Variants in TAFA5 observed in about 807,000 individuals in gnomAD.
TAFA5 encodes the protein TAFA chemokine like family member 5.
TAFA5 carries 6 observed loss-of-function variants against 15.3 expected under a neutral mutation model. The observed-to-expected ratio is 0.39, with a 90% CI of 0.21 to 0.77. The LOEUF is 0.77. Ranked by LOEUF, TAFA5 falls within the 30% of genes least tolerant of loss-of-function variation. TAFA5 has a pLI of 0.41. For synonymous variants in TAFA5, 103 were observed against 80.7 expected (o/e 1.28, Z -1.48); for missense variants, 161 against 193.1 (o/e 0.83, Z 0.98).
intron 2 of TAFA5, among the ~76,000 whole-genome samples, chr22:48,658,205 C>T (rs902260266): frequency 3.6e-5 from 5 of 137,660 alleles, no homozygotes; most frequent in African/African-American, 1.1e-4. Context: ...CTTCCACCTC[C>T]GAAACTCAGC....
In TAFA5 at chr22:48,489,842, G is replaced by A. The variant is rs962376382; in HGVS notation, c.112+138G>A. 4.3e-6 allele frequency: 2 copies of A among 469,516 alleles called. No homozygotes were observed. The highest frequency in any genetic ancestry group is 7.1e-6 in the Non-Finnish European group (2 of 280,942). 29.1% of individuals were successfully genotyped at this position (469,516 alleles called of 1,614,324 possible). On this transcript the variant is annotated intron_variant, in intron 1 of 3. Coordinates refer to ENST00000402357, the MANE Select transcript of TAFA5 (RefSeq NM_001082967.3). This position sits in a 1 kb window ranked among gnomAD's most constrained non-coding sequence, Gnocchi z 5.5. The stretch of plus-strand genomic sequence containing the variant: ...CCGGGCGCATGGTCCCCCGAGTCCC[G>A]GCCGGTCCAACGCTGCGCTGGGCGG...
chr22:48,737,445 C>T (rs73889716), intron 3 of TAFA5, among the ~76,000 whole-genome samples: 131 of 152,330 alleles, frequency 8.6e-4, no homozygotes, highest in Non-Finnish European at 1.6e-3. Flanking sequence ...ATGCTGTCCA[C>T]CCATGAACTC....
chr22:48,574,312 C>T (rs891865961), intron 1 of TAFA5, among the ~76,000 whole-genome samples: 5 of 151,932 alleles, frequency 3.3e-5, no homozygotes, highest in Non-Finnish European at 7.4e-5. Context: ...GGTGATGAGC[C>T]AGAGGTGAAG....
intron 3 of TAFA5, among the ~76,000 whole-genome samples, chr22:48,743,577 G>A (rs1930242584): frequency 6.6e-6 from 1 of 152,222 alleles, no homozygotes; most frequent in Non-Finnish European, 1.5e-5. Context: ...GTACAGCACA[G>A]TCTTCATTCC....
chr22:48,580,406 G>C (rs1409761706), intron 1 of TAFA5, among the ~76,000 whole-genome samples: 1 of 152,232 alleles, frequency 6.6e-6, no homozygotes, highest in African/African-American at 2.4e-5. Flanking sequence ...GAAATGGATA[G>C]AGAACTTCTT....
chr22:48,725,156 A>G (rs1283385238), intron 3 of TAFA5, among the ~76,000 whole-genome samples: 3 of 152,252 alleles, frequency 2.0e-5, no homozygotes, highest in African/African-American at 4.8e-5. Flanking sequence ...CCTGCTGCAC[A>G]TCGCCCGGAC....
intron 1 of TAFA5, among the ~76,000 whole-genome samples, chr22:48,500,672 G>A (rs750234083): frequency 2.6e-4 from 39 of 152,242 alleles, no homozygotes; most frequent in Non-Finnish European, 3.8e-4. Flanking sequence ...TTCCCGTGAC[G>A]ACGTGGCTAA....
chr22:48,605,283 T>A (rs116055564), intron 1 of TAFA5, among the ~76,000 whole-genome samples: 14,408 of 117,004 alleles, frequency 0.12, 1,002 homozygotes, highest in African/African-American at 0.15. Flanking sequence ...ATGGTGATGA[T>A]GTTGTTAATG....
chr22:48,582,963 CACACCACACACAAAAT>C (rs369683503), intron 1 of TAFA5, among the ~76,000 whole-genome samples: 9 of 149,446 alleles, frequency 6.0e-5, no homozygotes, highest in Admixed American at 2.0e-4. Context: ...ACACACACCA[CACACCACACACAAAAT>C]ACACCACACA....
At chr22:48,561,771 G>A (rs1445340196) in intron 1 of TAFA5, among the ~76,000 whole-genome samples, 1 of 152,256 alleles carries the variant, frequency 6.6e-6, no homozygotes, top group Non-Finnish European at 1.5e-5. Context: ...GCTGGGAGCA[G>A]ACGTTGAGTC....
intron 2 of TAFA5, among the ~76,000 whole-genome samples, chr22:48,690,400 G>A (rs1041993290): frequency 6.6e-6 from 1 of 152,036 alleles, no homozygotes; most frequent in African/African-American, 2.4e-5. Context: ...ACGTGTATCA[G>A]CCACACAGCC....
chr22:48,687,685 C>G (rs777347338), intron 2 of TAFA5, among the ~76,000 whole-genome samples: 2 of 152,160 alleles, frequency 1.3e-5, no homozygotes, highest in Non-Finnish European at 2.9e-5. Context: ...CCTCCTCACT[C>G]TCCCAGTGAC....
intron 1 of TAFA5, among the ~76,000 whole-genome samples, chr22:48,609,724 C>T (rs73427950): frequency 0.017 from 2,549 of 152,326 alleles, 58 homozygotes; most frequent in African/African-American, 0.058. Context: ...TGGAGCCGCC[C>T]GTGCTTCTGG....
At chr22:48,533,359 C>T (rs80518) in intron 1 of TAFA5, among the ~76,000 whole-genome samples, 76,890 of 152,052 alleles carry the variant, frequency 0.51, 19,723 homozygotes, top group Non-Finnish European at 0.54. Context: ...CTGCAGAAGG[C>T]GACCCCAGCA....
chr22:48,743,264 G>A (rs573587036), intron 3 of TAFA5, among the ~76,000 whole-genome samples: 8 of 152,212 alleles, frequency 5.3e-5, no homozygotes, highest in Admixed American at 2.0e-4. Flanking sequence ...CTGCTGGGCC[G>A]TGCTCCCTTG....
intron 1 of TAFA5, among the ~76,000 whole-genome samples, chr22:48,575,262 G>A (rs1273624906): frequency 2.0e-5 from 3 of 152,068 alleles, no homozygotes; most frequent in Admixed American, 6.5e-5. Context: ...AGCCCGACCC[G>A]CAGTTTTCGG....
chr22:48,639,649 G>T (rs1013451964), intron 1 of TAFA5, among the ~76,000 whole-genome samples: 6 of 152,128 alleles, frequency 3.9e-5, no homozygotes, highest in South Asian at 2.1e-4. Context: ...ACATGCAGGT[G>T]CCCCCACTGC....
intron 2 of TAFA5, among the ~76,000 whole-genome samples, chr22:48,680,294 G>C (rs1928140192): frequency 6.6e-6 from 1 of 152,256 alleles, no homozygotes; most frequent in Non-Finnish European, 1.5e-5. Context: ...CACGACCCAG[G>C]TTGCTGCCAG....
intron 1 of TAFA5, among the ~76,000 whole-genome samples, chr22:48,526,947 G>T (rs968645747): frequency 6.6e-6 from 1 of 152,232 alleles, no homozygotes; most frequent in African/African-American, 2.4e-5. Context: ...AGGATATTGA[G>T]TTGTCCTTGG....
Sources: allele counts gnomAD v4.1 joint callset (sites outside exome capture counted in the v4.1 genomes callset), GRCh38; gene constraint gnomAD v4.1.1; non-coding constraint Gnocchi (gnomAD v3.1); transcripts MANE v1.5; gene names NCBI Gene and HGNC (gene_info 2026-07-23, HGNC 2026-07-21).